Variants in DENND5A observed in about 807,000 individuals in gnomAD.
DENND5A encodes DENN domain-containing protein 5A.
DENND5A carries 64 observed loss-of-function variants against 140.3 expected under a neutral mutation model. The observed-to-expected ratio is 0.46, with a 90% CI of 0.37 to 0.56. DENND5A has a LOEUF of 0.56. Ranked by LOEUF, DENND5A falls within the 20% of genes least tolerant of loss-of-function variation. The probability of loss-of-function intolerance (pLI) is 0.00; values close to 1 mark genes in which losing one functional copy is unlikely to be tolerated. For synonymous variants in DENND5A, 605 were observed against 607.7 expected, an observed-to-expected ratio of 1.00 and a Z score of 0.07; for missense variants, 1,292 against 1,593.8, an observed-to-expected ratio of 0.81 and a Z score of 3.22.
chr11:9,230,596 T>A (rs1850730794), intron 1 of DENND5A, among the ~76,000 whole-genome samples: 1 of 152,142 alleles, frequency 6.6e-6, no homozygotes, highest in South Asian at 2.1e-4. Flanking sequence ...CCATTGAACC[T>A]TAAGATGGGT....
At chr11:9,207,499 G>A (rs1445474761) in intron 2 of DENND5A, 62 bp downstream of exon 2, 3 of 1,260,614 alleles carry the variant, frequency 2.4e-6, no homozygotes, top group East Asian at 4.6e-5. Flanking sequence ...AATGCCACTG[G>A]AGAGATATAT....
At chr11:9,256,224 G>T (rs370791346) in intron 1 of DENND5A, among the ~76,000 whole-genome samples, 7 of 152,250 alleles carry the variant, frequency 4.6e-5, no homozygotes, top group African/African-American at 1.2e-4. Flanking sequence ...CACTTTAGGA[G>T]GCCAAGGTGG....
intron 12 of DENND5A, among the ~76,000 whole-genome samples, chr11:9,152,678 A>G (rs1847659614): frequency 2.0e-5 from 3 of 152,172 alleles, no homozygotes; most frequent in Admixed American, 6.6e-5. Context: ...AGGAGATGGG[A>G]AAGAGAGCCT....
At chr11:9,237,740 G>A (rs992866991) in intron 1 of DENND5A, among the ~76,000 whole-genome samples, 2 of 151,898 alleles carry the variant, frequency 1.3e-5, no homozygotes, top group African/African-American at 2.4e-5. Flanking sequence ...AAAATTAGCC[G>A]GGCGTGGTGG....
rs1196258282 is a variant in DENND5A at position 9,145,830 on chromosome 11, C to T, written c.2858-15G>A. ...GTACGGGATCACTGTTTAGGGGAAG[C>T]CACAAAAGTATTGAGGAGAATTAGG... On this transcript the variant is annotated splice_polypyrimidine_tract_variant and intron_variant, in intron 16 of 22. Coordinates refer to ENST00000328194, the MANE Select transcript of DENND5A (RefSeq NM_015213.4). 2.5e-6 allele frequency: 4 copies of T among 1,613,866 alleles called. No homozygotes were observed. The highest frequency in any genetic ancestry group is 3.4e-6 in the Non-Finnish European group (4 of 1,179,848).
At chr11:9,188,222 T>C (rs911755917) in intron 5 of DENND5A, among the ~76,000 whole-genome samples, 3 of 152,154 alleles carry the variant, frequency 2.0e-5, no homozygotes, top group Admixed American at 6.5e-5. Flanking sequence ...CTGCAGAAGC[T>C]CTCTCTTTGC....
intron 4 of DENND5A, among the ~76,000 whole-genome samples, chr11:9,194,538 G>T (rs1472323296): frequency 6.7e-6 from 1 of 150,222 alleles, no homozygotes; most frequent in Non-Finnish European, 1.5e-5. Flanking sequence ...AGCTGCACAC[G>T]CCAGCCAGTG....
At chr11:9,188,449 C>T (rs1233304696) in intron 5 of DENND5A, among the ~76,000 whole-genome samples, 1 of 152,172 alleles carries the variant, frequency 6.6e-6, no homozygotes, top group African/African-American at 2.4e-5. Flanking sequence ...GTGGAAGCAA[C>T]ATTGAAACTG....
chr11:9,229,573 C>T (rs1011291327), intron 1 of DENND5A, among the ~76,000 whole-genome samples: 5 of 152,100 alleles, frequency 3.3e-5, no homozygotes, highest in African/African-American at 1.2e-4. Flanking sequence ...AAAGTATTAC[C>T]TCCTACTCAA....
intron 1 of DENND5A, among the ~76,000 whole-genome samples, chr11:9,217,714 T>C (rs990612744): frequency 6.6e-6 from 1 of 152,168 alleles, no homozygotes; most frequent in Admixed American, 6.6e-5. Flanking sequence ...ACAGAAATTG[T>C]ATACTGTAAG....
intron 8 of DENND5A, chr11:9,176,992 C>T (rs896087194): frequency 3.6e-5 from 16 of 450,626 alleles, no homozygotes; most frequent in African/African-American, 1.2e-4. Flanking sequence ...CAGTGGCTAA[C>T]GCCTATAATC....
intron 1 of DENND5A, among the ~76,000 whole-genome samples, chr11:9,237,596 T>A (rs1851055517): frequency 6.6e-6 from 1 of 151,540 alleles, no homozygotes; most frequent in South Asian, 2.1e-4. Context: ...AAATGCACAT[T>A]TCTTGGGCCA....
intron 9 of DENND5A, chr11:9,170,356 C>A (rs1376489350): frequency 3.4e-6 from 3 of 893,572 alleles, no homozygotes; most frequent in Non-Finnish European, 2.7e-6. Flanking sequence ...GAATGGGATC[C>A]AGGCATGAGA....
At position 9,206,706 on chromosome 11, in the gene DENND5A, T is replaced by C. The variant is rs751846607; in HGVS notation, c.258A>G (p.Glu86=). ...CTGCATCTTGGTCAAAGGGATTCCA[T>C]TCTACGTTCTCAGGATATCGTGCAA... ...KVLARYPENV[E]WNPFDQDAVG... The change falls in exon 3 of 23, where the codon GAA becomes GAG. Residue 86 remains glutamate, a synonymous_variant. Coordinates refer to ENST00000328194, the MANE Select transcript of DENND5A (RefSeq NM_015213.4). The C allele has an allele frequency of 1.2e-6, 2 of 1,613,726 alleles. No individual in the cohort carries two copies.
At chr11:9,170,567 T>C (rs1196322925) in intron 9 of DENND5A, 60 bp downstream of exon 9, 15 of 1,597,784 alleles carry the variant, frequency 9.4e-6, no homozygotes, top group Admixed American at 5.0e-5. Flanking sequence ...CTAGCCCAGA[T>C]ACTAGATGAC....
intron 11 of DENND5A, among the ~76,000 whole-genome samples, chr11:9,164,289 G>A (rs1269991628): frequency 7.2e-6 from 1 of 139,032 alleles, no homozygotes; most frequent in African/African-American, 2.7e-5. Flanking sequence ...CTGGGCTCGA[G>A]TGATTCACCC....
At chr11:9,160,631 T>A in intron 12 of DENND5A, 82 bp downstream of exon 12, 1 of 1,345,984 alleles carries the variant, frequency 7.4e-7, no homozygotes, top group Non-Finnish European at 1.0e-6. Context: ...GCCAGTCAGC[T>A]GGACAAAAAG....
intron 10 of DENND5A, among the ~76,000 whole-genome samples, chr11:9,168,074 A>G (rs1034378669): frequency 6.7e-6 from 1 of 149,730 alleles, no homozygotes; most frequent in African/African-American, 2.5e-5. Flanking sequence ...TTTGTATTTC[A>G]AAGTGTTAAC....
intron 8 of DENND5A, among the ~76,000 whole-genome samples, chr11:9,174,937 A>C (rs1446473828): frequency 6.6e-6 from 1 of 152,040 alleles, no homozygotes; most frequent in Admixed American, 6.6e-5. Flanking sequence ...CTAGAGGTTC[A>C]AGCCAGTGTA....
Sources: gnomAD v4.1 joint callset for allele counts (sites outside exome capture counted in the v4.1 genomes callset) on GRCh38, gnomAD v4.1.1 for gene constraint, MANE v1.5 for transcripts, NCBI Gene and HGNC (gene_info 2026-07-23, HGNC 2026-07-21) for gene names.